PIP5K1B: variants seen among roughly 807,000 people sequenced by gnomAD.
PIP5K1B encodes the protein phosphatidylinositol-4-phosphate 5-kinase type 1 beta, also known as phosphatidylinositol 4-phosphate 5-kinase type-1 beta.
Under a neutral mutation model 67.0 loss-of-function variants are expected in PIP5K1B, and 42 were observed. The observed-to-expected ratio is 0.63, with a 90% CI of 0.49 to 0.81. PIP5K1B has a LOEUF of 0.81. Ranked by LOEUF, PIP5K1B falls within the 30% of genes least tolerant of loss-of-function variation. The probability of loss-of-function intolerance (pLI) is 0.00; values close to 1 mark genes in which losing one functional copy is unlikely to be tolerated. For missense variants in PIP5K1B, 459 were observed against 646.3 expected (o/e 0.71, Z 3.14); for synonymous variants, 214 against 231.4 (o/e 0.92, Z 0.68).
intron 15 of PIP5K1B, among the ~76,000 whole-genome samples, chr9:69,003,861 A>G (rs970825649): frequency 7.2e-5 from 11 of 152,196 alleles, no homozygotes; most frequent in Non-Finnish European, 1.5e-4. Flanking sequence ...GCTCCCCTCC[A>G]GGGGATCCGA....
intron 4 of PIP5K1B, among the ~76,000 whole-genome samples, chr9:68,851,253 T>C (rs1006897834): frequency 6.6e-6 from 1 of 152,212 alleles, no homozygotes; most frequent in Non-Finnish European, 1.5e-5. Context: ...AACAGATGGA[T>C]ATACTGGGAT....
At chr9:68,972,820 A>G (rs1241691701) in intron 14 of PIP5K1B, among the ~76,000 whole-genome samples, 1 of 152,178 alleles carries the variant, frequency 6.6e-6, no homozygotes, top group Non-Finnish European at 1.5e-5. Context: ...AATAACTAAA[A>G]TGTATTGAAC....
At chr9:68,783,721 C>T (rs186919384) in intron 2 of PIP5K1B, 1 of 167,200 alleles carries the variant, frequency 6.0e-6, no homozygotes, top group Admixed American at 6.5e-5. Context: ...CACTCTGATC[C>T]AGGCTACCAG....
chr9:68,858,088 C>G (rs1822875862), intron 4 of PIP5K1B, among the ~76,000 whole-genome samples: 1 of 152,060 alleles, frequency 6.6e-6, no homozygotes, highest in African/African-American at 2.4e-5. Context: ...ATTCTCCTGC[C>G]TCAGCCTCCT....
chr9:68,976,298 C>T (rs1375021627), intron 14 of PIP5K1B, among the ~76,000 whole-genome samples: 1 of 152,146 alleles, frequency 6.6e-6, no homozygotes, highest in Admixed American at 6.5e-5. Flanking sequence ...TTCCAGTATG[C>T]CACTCTGATC....
At chr9:68,760,510 T>C (rs1485458385) in intron 2 of PIP5K1B, among the ~76,000 whole-genome samples, 1 of 152,064 alleles carries the variant, frequency 6.6e-6, no homozygotes, top group African/African-American at 2.4e-5. Context: ...GGAGAATTCA[T>C]ACCCACATTT....
At chr9:68,808,391 C>CG (rs2132015149) in intron 2 of PIP5K1B, among the ~76,000 whole-genome samples, 1 of 152,104 alleles carries the variant, frequency 6.6e-6, no homozygotes, top group East Asian at 1.9e-4. Context: ...AATTACTCCC[C>CG]CCGACTCCCA....
In PIP5K1B at chr9:68,705,616, C is replaced by G. The variant is rs1189257261; in HGVS notation, c.-389C>G. ...CGGCCCCGGCCCCGCCCGCCGCCCCCTCCGCCCTCCCGCCCCTCCCGCCCC... is the reference window on the plus strand; with the variant it reads ...CGGCCCCGGCCCCGCCCGCCGCCCCGTCCGCCCTCCCGCCCCTCCCGCCCC... On this transcript the variant is annotated 5_prime_UTR_variant, in exon 1 of 16. Transcript: ENST00000265382. 6.9e-6 allele frequency: 1 copy of G among 145,644 alleles called. No homozygotes were observed. The highest frequency in any genetic ancestry group is 6.8e-5 in the Admixed American group (1 of 14,732). 9.0% of individuals were successfully genotyped at this position (145,644 alleles called of 1,614,324 possible). A position where few individuals can be genotyped will look rare whatever the true frequency, so the allele number is the denominator to read the frequency against.
chr9:68,772,902 T>G (rs558073985), intron 2 of PIP5K1B, among the ~76,000 whole-genome samples: 1 of 152,316 alleles, frequency 6.6e-6, no homozygotes, highest in South Asian at 2.1e-4. Flanking sequence ...AGAACTCTGT[T>G]ATAGGCCCTT....
chr9:68,846,576 A>T (rs1417010931), intron 4 of PIP5K1B, among the ~76,000 whole-genome samples: 1 of 152,200 alleles, frequency 6.6e-6, no homozygotes, highest in Non-Finnish European at 1.5e-5. Context: ...AAGTCACAGC[A>T]AGTGATGCCT....
intron 1 of PIP5K1B, among the ~76,000 whole-genome samples, chr9:68,739,602 G>T (rs1037871216): frequency 1.5e-4 from 23 of 152,316 alleles, no homozygotes; most frequent in African/African-American, 5.1e-4. Flanking sequence ...TTGGTTGGAG[G>T]AATGTTTTGC....
At chr9:68,988,430 G>A (rs1330729339) in intron 14 of PIP5K1B, among the ~76,000 whole-genome samples, 1 of 140,368 alleles carries the variant, frequency 7.1e-6, no homozygotes, top group Non-Finnish European at 1.5e-5. Flanking sequence ...GAAAAACTTA[G>A]TTGTTTTTTT....
chr9:68,823,910 A>G (rs1833854559), intron 4 of PIP5K1B, among the ~76,000 whole-genome samples: 1 of 152,134 alleles, frequency 6.6e-6, no homozygotes, highest in Admixed American at 6.6e-5. Flanking sequence ...TTCCTGGCAT[A>G]TCTTCTTTAT....
intron 4 of PIP5K1B, among the ~76,000 whole-genome samples, chr9:68,844,078 T>C (rs1822057607): frequency 1.3e-5 from 2 of 152,236 alleles, no homozygotes; most frequent in Admixed American, 1.3e-4. Flanking sequence ...GATAACTGAT[T>C]ACTTGTGTAC....
intron 14 of PIP5K1B, chr9:68,963,268 C>G (rs892021989): frequency 3.3e-5 from 15 of 454,134 alleles, no homozygotes; most frequent in South Asian, 2.2e-4. Context: ...TTTGCGAGGC[C>G]GAGGCAGACT....
chr9:68,941,087 GT>G, intron 14 of PIP5K1B: 1 of 499,224 alleles, frequency 2.0e-6, no homozygotes, highest in Non-Finnish European at 3.9e-6. Context: ...TTAGGAATGG[GT>G]TTCTTCAGAG....
chr9:68,879,597 A>G (rs1824069595), intron 6 of PIP5K1B, among the ~76,000 whole-genome samples: 1 of 152,050 alleles, frequency 6.6e-6, no homozygotes, highest in African/African-American at 2.4e-5. Context: ...TAAATAAAAA[A>G]CAAAATTTGA....
intron 2 of PIP5K1B, among the ~76,000 whole-genome samples, chr9:68,802,418 G>A (rs571037660): frequency 6.6e-6 from 1 of 152,048 alleles, no homozygotes; most frequent in South Asian, 2.1e-4. Context: ...GCCAGGCACT[G>A]TGATGGATAG....
chr9:68,875,309 A>C (rs1303724749), intron 5 of PIP5K1B, among the ~76,000 whole-genome samples: 2 of 150,144 alleles, frequency 1.3e-5, no homozygotes, highest in Admixed American at 6.7e-5. Flanking sequence ...AAAAAAAAAA[A>C]AAAAAAAAAA....
Sources: gnomAD v4.1 joint callset for allele counts (sites outside exome capture counted in the v4.1 genomes callset) on GRCh38, gnomAD v4.1.1 for gene constraint, MANE v1.5 for transcripts, NCBI Gene and HGNC (gene_info 2026-07-23, HGNC 2026-07-21) for gene names.